Variants in MGAT4D observed in about 807,000 individuals in gnomAD.
MGAT4D encodes alpha-1,3-mannosyl-glycoprotein 4-beta-N-acetylglucosaminyltransferase-like protein MGAT4D.
A neutral mutation model predicts 15.9 loss-of-function variants in MGAT4D; 34 were observed. The observed-to-expected ratio is 2.14, with a 90% confidence interval of 1.62 to 2.84. The LOEUF is 2.84. Among genes scored for constraint, MGAT4D ranks in the 30% most tolerant of loss-of-function variants. MGAT4D has a pLI of 0.00. For missense variants in MGAT4D, 327 were observed against 140.2 expected, an observed-to-expected ratio of 2.33 and a Z score of -6.73; for synonymous variants, 112 against 48.2, an observed-to-expected ratio of 2.33 and a Z score of -5.49.
Position 140,456,708 on chromosome 4 carries a change from T to C in MGAT4D, c.889A>G (p.Arg297Gly). The C allele has an allele frequency of 1.5e-6, 1 of 676,182 alleles. No individual in the cohort carries two copies. Among genetic ancestry groups the C allele is most frequent in the Non-Finnish European group, 2.7e-6 (1 of 373,680 alleles). 41.9% of individuals were successfully genotyped at this position (676,182 alleles called of 1,614,324 possible). The stretch of plus-strand genomic sequence containing the variant: ...ACAAAGTGAGTTAAGTCCTCAGATC[T>C]AAACAGCTTTCCTATGGAAAAAAAT... Reference protein sequence around the residue: ...SMLGFIGKLFRSEDLTHFVRF... With the variant: ...SMLGFIGKLFGSEDLTHFVRF... The change falls in exon 9 of 11, where the codon AGA becomes GGA. Residue 297 changes from arginine (R) to glycine (G), a missense_variant. Arg to Gly is a moderately radical substitution (Grantham distance 125). Transcript: ENST00000511113.
chr4:140,458,862 C>T (rs1730979983), intron 8 of MGAT4D: 1 of 151,692 alleles, frequency 6.6e-6, no homozygotes, highest in African/African-American at 2.4e-5. Context: ...GGAAAGAATA[C>T]ATAAGGAAGA....
intron 1 of MGAT4D, among the ~76,000 whole-genome samples, chr4:140,492,080 T>G (rs981688896): frequency 6.6e-6 from 1 of 152,172 alleles, no homozygotes; most frequent in African/African-American, 2.4e-5. Context: ...CAGTACTAGC[T>G]TGGGGTACAG....
chr4:140,466,831 G>A (rs907983562), intron 5 of MGAT4D, among the ~76,000 whole-genome samples: 5 of 152,076 alleles, frequency 3.3e-5, no homozygotes, highest in African/African-American at 9.7e-5. Flanking sequence ...ATGGAAGAAA[G>A]CTCATGTTTT....
In MGAT4D at chr4:140,456,727, A is replaced by G; in HGVS notation, c.878-8T>C. Reference sequence around the variant, plus strand: ...CAGATCTAAACAGCTTTCCTATGGAAAAAAATACAATTAGATGCAAATAAT... The same window carrying G: ...CAGATCTAAACAGCTTTCCTATGGAGAAAAATACAATTAGATGCAAATAAT... On this transcript the variant is annotated splice_region_variant and splice_polypyrimidine_tract_variant and intron_variant, in intron 8 of 10. Coordinates refer to ENST00000511113, the MANE Select transcript of MGAT4D (RefSeq NM_001277353.2). The G allele has an allele frequency of 1.5e-6, 1 of 647,958 alleles. No individual in the cohort carries two copies. The highest frequency in any genetic ancestry group is 2.8e-6 in the Non-Finnish European group (1 of 362,394). The allele number at this position is 647,958 out of a possible 1,614,324, so 40.1% of individuals were successfully genotyped here.
intron 5 of MGAT4D, among the ~76,000 whole-genome samples, chr4:140,468,216 A>G (rs1475043212): frequency 6.6e-6 from 1 of 152,100 alleles, no homozygotes; most frequent in Admixed American, 6.5e-5. Flanking sequence ...GGTATTATCA[A>G]TATAATTATC....
chr4:140,468,300 C>T (rs896085233), intron 5 of MGAT4D, among the ~76,000 whole-genome samples: 35 of 152,206 alleles, frequency 2.3e-4, no homozygotes, highest in Admixed American at 1.7e-3. Flanking sequence ...AACTACAATA[C>T]GGCAATTTCT....
chr4:140,454,726 G>C (rs376312610), intron 9 of MGAT4D, among the ~76,000 whole-genome samples: 12 of 152,154 alleles, frequency 7.9e-5, no homozygotes, highest in African/African-American at 2.6e-4. Flanking sequence ...TTTGGACATG[G>C]AAATTTCCTT....
rs370138090 is a variant in MGAT4D at position 140,476,691 on chromosome 4, C to T, written c.392-1745G>A. 1.4e-4 allele frequency among the ~76,000 whole-genome samples: 22 copies of T among 152,262 alleles called. No individual in the cohort carries two copies. In the East Asian group the frequency reaches 2.7e-3, roughly 19 times the overall value. On this transcript the variant is annotated intron_variant, in intron 3 of 10. Transcript: ENST00000511113. ...AATTGACCAAATACCACTCTTACCT[C>T]GAAGCCTTTGCACACGCCATTCTTT...
intron 10 of MGAT4D, among the ~76,000 whole-genome samples, chr4:140,443,966 T>C (rs1487108299): frequency 1.3e-5 from 2 of 152,156 alleles, no homozygotes; most frequent in Non-Finnish European, 2.9e-5. Context: ...GTTTTGAATT[T>C]CTTGTTAGTC....
At chr4:140,482,221 C>A in intron 2 of MGAT4D, 106 bp downstream of exon 2, 1 of 510,536 alleles carries the variant, frequency 2.0e-6, no homozygotes, top group Non-Finnish European at 3.4e-6. Context: ...AATAAAAGAA[C>A]CAGTACTGAT....
At chr4:140,447,180 T>C (rs1730189744) in intron 10 of MGAT4D, among the ~76,000 whole-genome samples, 1 of 152,106 alleles carries the variant, frequency 6.6e-6, no homozygotes, top group Non-Finnish European at 1.5e-5. Context: ...AGAATGTATA[T>C]CTTGTTTTGG....
chr4:140,452,896 TTAGA>T (rs1466228508), intron 9 of MGAT4D, among the ~76,000 whole-genome samples: 2 of 152,138 alleles, frequency 1.3e-5, no homozygotes, highest in Non-Finnish European at 2.9e-5. Flanking sequence ...TTTTTTGTGT[TTAGA>T]TAGATGATTT....
At chr4:140,470,712 C>T (rs936135330) in intron 5 of MGAT4D, among the ~76,000 whole-genome samples, 15 of 152,130 alleles carry the variant, frequency 9.9e-5, no homozygotes, top group Admixed American at 9.8e-4. Flanking sequence ...CCCCTGTCTG[C>T]CTGAAGAATG....
intron 1 of MGAT4D, among the ~76,000 whole-genome samples, chr4:140,488,358 G>A (rs1733280476): frequency 6.6e-6 from 1 of 152,134 alleles, no homozygotes; most frequent in Non-Finnish European, 1.5e-5. Context: ...AATAAAATCT[G>A]GTTTCTGCTC....
intron 4 of MGAT4D, among the ~76,000 whole-genome samples, chr4:140,472,622 C>G (rs1027538974): frequency 5.9e-5 from 9 of 152,254 alleles, no homozygotes; most frequent in African/African-American, 1.7e-4. Flanking sequence ...TAAATTGAAT[C>G]ATTAGCTATT....
intron 5 of MGAT4D, among the ~76,000 whole-genome samples, chr4:140,467,793 T>C (rs1466023260): frequency 1.3e-5 from 2 of 152,056 alleles, no homozygotes; most frequent in Non-Finnish European, 2.9e-5. Flanking sequence ...AGTGGAAATC[T>C]TACAACTCTA....
At chr4:140,471,286 CTCT>C (rs1731943079) in intron 5 of MGAT4D, among the ~76,000 whole-genome samples, 1 of 142,930 alleles carries the variant, frequency 7.0e-6, no homozygotes, top group Non-Finnish European at 1.5e-5. Flanking sequence ...TTCCTTCCTT[CTCT>C]CTCTTTTCTT....
chr4:140,450,569 C>T (rs1394517052), intron 10 of MGAT4D, among the ~76,000 whole-genome samples: 1 of 152,182 alleles, frequency 6.6e-6, no homozygotes, highest in African/African-American at 2.4e-5. Context: ...ATGTTCTAGG[C>T]ATGGTTCCAA....
chr4:140,484,109 T>A (rs1332147186), intron 1 of MGAT4D, among the ~76,000 whole-genome samples: 4 of 151,998 alleles, frequency 2.6e-5, no homozygotes, highest in South Asian at 4.1e-4. Context: ...CAAGAGACAA[T>A]CTATGGGTTA....
Sources: gnomAD v4.1 joint callset for allele counts (sites outside exome capture counted in the v4.1 genomes callset) on GRCh38, gnomAD v4.1.1 for gene constraint, MANE v1.5 for transcripts, NCBI Gene and HGNC (gene_info 2026-07-23, HGNC 2026-07-21) for gene names.